The following ZNF462 variants were observed in gnomAD, a reference collection of about 807,000 sequenced individuals.
The protein encoded by ZNF462 is zinc finger PBX1-interacting protein.
A neutral mutation model predicts 201.9 loss-of-function variants in ZNF462; 10 were observed. The observed-to-expected ratio is 0.05, with a 90% CI of 0.03 to 0.08. The LOEUF (loss-of-function observed/expected upper bound fraction) is 0.08, where lower values mean the gene tolerates loss of function less well. ZNF462 is among the 10% of genes least tolerant of loss of function. The pLI, the probability that ZNF462 is intolerant of heterozygous loss-of-function variation, is 1.00. For synonymous variants in ZNF462, 1,227 were observed against 1,193.3 expected (o/e 1.03, Z -0.58); for missense variants, 2,523 against 3,168.3 (o/e 0.80, Z 4.89).
chr9:106,963,410 C>T lies in ZNF462; in HGVS notation c.6428-8595C>T, dbSNP rs1831928392. On this transcript the variant is annotated intron_variant, in intron 7 of 12. Coordinates refer to ENST00000277225, the MANE Select transcript of ZNF462 (RefSeq NM_021224.6). This position sits in a 1 kb window ranked among gnomAD's most constrained non-coding sequence, Gnocchi z 4.7. ...ATCCAGGAAACATTTTCTTAAGTAC[C>T]TTTCCAGGCACTTCTAAGCAATTGA... 6.6e-6 allele frequency among the ~76,000 whole-genome samples: 1 copy of T among 151,968 alleles called. No homozygotes were observed. Among genetic ancestry groups the T allele is most frequent in the African/African-American group, 2.4e-5 (1 of 41,386 alleles).
In ZNF462 at chr9:106,930,428, C is replaced by A; in HGVS notation, c.5848-97C>A. Reference sequence around the variant, plus strand: ...CTCCCTTGGTTTTTAACCTGCTAATCGGCTTTAAAATAAAGTATGTTAGTA... The same window carrying A: ...CTCCCTTGGTTTTTAACCTGCTAATAGGCTTTAAAATAAAGTATGTTAGTA... On this transcript the variant is annotated intron_variant, in intron 3 of 12. Coordinates refer to ENST00000277225, the MANE Select transcript of ZNF462 (RefSeq NM_021224.6). The surrounding 1 kb of genome is among the most constrained non-coding windows in gnomAD (Gnocchi z 5.8). The A allele has an allele frequency of 6.8e-7, 1 of 1,480,874 alleles. No individual in the cohort carries two copies. Among genetic ancestry groups the A allele is most frequent in the Non-Finnish European group, 9.1e-7 (1 of 1,095,886 alleles). 91.7% of individuals were successfully genotyped at this position (1,480,874 alleles called of 1,614,324 possible).
rs750173827 is a variant in ZNF462 at position 106,925,258 on chromosome 9, T to C, written c.1346T>C (p.Met449Thr). 5.6e-6 allele frequency: 9 copies of C among 1,614,074 alleles called. No homozygotes were observed. Among genetic ancestry groups the C allele is most frequent in the Admixed American group, 1.7e-5 (1 of 60,006 alleles). The change falls in exon 3 of 13, where the codon ATG becomes ACG. Residue 449 changes from methionine to threonine, a missense_variant. Met to Thr is a moderately conservative substitution (Grantham distance 81, BLOSUM62 -1). Around this residue, in one of 15 missense-constraint regions of ZNF462, gnomAD observed 13 missense variants for 43.2 expected, o/e 0.30. Transcript: ENST00000277225. This position sits in a 1 kb window ranked among gnomAD's most constrained non-coding sequence, Gnocchi z 7.9. ...TGCCCCTTTTGTCCTTTCCTCACCA[T>C]GCATCGACGTAGCATCTCTCGTCAC... ...FQCPFCPFLT[M>T]HRRSISRHIE...
intron 11 of ZNF462, among the ~76,000 whole-genome samples, chr9:107,004,494 A>G (rs1829411008): frequency 6.6e-6 from 1 of 152,202 alleles, no homozygotes; most frequent in African/African-American, 2.4e-5. Flanking sequence ...AATAATCACA[A>G]TCGTAATAAT....
rs1473201394 is a variant in ZNF462, at chr9:107,003,051, G to C, written c.7057-243G>C. ...TACTATAGCTCATGTTTCTTCACAA[G>C]TTTGGTAATGAAGGTCCGGTGTACA... On this transcript the variant is annotated intron_variant, in intron 10 of 12. Coordinates refer to ENST00000277225, the MANE Select transcript of ZNF462 (RefSeq NM_021224.6). The surrounding 1 kb of genome is among the most constrained non-coding windows in gnomAD (Gnocchi z 4.4). Among the ~76,000 whole-genome samples the C allele has an allele frequency of 6.6e-6, 1 of 152,136 alleles. No individual in the cohort carries two copies. Among genetic ancestry groups the C allele is most frequent in the Non-Finnish European group, 1.5e-5 (1 of 68,028 alleles).
chr9:106,883,966 C>T lies in ZNF462; in HGVS notation c.-31+20611C>T, dbSNP rs527941359. ...AAGCTGTTATGCTGTCTTCATTGCTCATAAAAAAATGTTTAAGCAACCACA... is the reference window on the plus strand; with the variant it reads ...AAGCTGTTATGCTGTCTTCATTGCTTATAAAAAAATGTTTAAGCAACCACA... On this transcript the variant is annotated intron_variant, in intron 1 of 12. Coordinates refer to ENST00000277225, the MANE Select transcript of ZNF462 (RefSeq NM_021224.6). This position sits in a 1 kb window ranked among gnomAD's most constrained non-coding sequence, Gnocchi z 4.9. 4.6e-5 allele frequency among the ~76,000 whole-genome samples: 7 copies of T among 152,226 alleles called. No individual in the cohort carries two copies. The highest frequency in any genetic ancestry group is 1.7e-4 in the African/African-American group (7 of 41,536).
intron 7 of ZNF462, among the ~76,000 whole-genome samples, chr9:106,946,156 T>C (rs919742420): frequency 2.0e-5 from 3 of 152,202 alleles, no homozygotes; most frequent in African/African-American, 7.2e-5. Flanking sequence ...TCAGAACTAG[T>C]TCCCAGCAAC....
At position 106,935,953 on chromosome 9, in the gene ZNF462, T is replaced by A. The variant is rs1246207442; in HGVS notation, c.6235+332T>A. On this transcript the variant is annotated intron_variant, in intron 6 of 12. Transcript: ENST00000277225. This position sits in a 1 kb window ranked among gnomAD's most constrained non-coding sequence, Gnocchi z 4.1. Reference sequence around the variant, plus strand: ...TACTTTCTAATTCAATTGCCAAGAATTGTTATATCTATTAAAAAGACTTTC... The same window carrying A: ...TACTTTCTAATTCAATTGCCAAGAAATGTTATATCTATTAAAAAGACTTTC... Among the ~76,000 whole-genome samples, 1 of 152,208 alleles carries A rather than the reference T, an allele frequency of 6.6e-6. No individual in the cohort carries two copies. The highest frequency in any genetic ancestry group is 2.4e-5 in the African/African-American group (1 of 41,432).
chr9:106,910,765 AT>A (rs1291116469), intron 1 of ZNF462, among the ~76,000 whole-genome samples: 3 of 151,610 alleles, frequency 2.0e-5, no homozygotes, highest in African/African-American at 7.3e-5. Flanking sequence ...ATTAGCCACC[AT>A]TTTTTTCTGG....
rs1406795876 is a variant in ZNF462 at position 106,924,722 on chromosome 9, C to G, written c.810C>G (p.Val270=). The change falls in exon 3 of 13, where the codon GTC becomes GTG. Residue 270 remains valine, a synonymous_variant. Coordinates refer to ENST00000277225, the MANE Select transcript of ZNF462 (RefSeq NM_021224.6). The surrounding 1 kb of genome is among the most constrained non-coding windows in gnomAD (Gnocchi z 6.2). ...TGATGAAGAAACACCGCAGTATGGT[C>G]AAGATCCTTTCCAGTCTCAGACAGC... The part of the protein sequence containing the change: ...DHMMKKHRSM[V]KILSSLRQQQ... 3 of 1,614,100 alleles carry G rather than the reference C, an allele frequency of 1.9e-6. No homozygotes were observed. In the Admixed American group the frequency reaches 5.0e-5, roughly 27 times the overall value.
rs781685600 is a variant in ZNF462, at chr9:106,930,492, G to A, written c.5848-33G>A. The A allele has an allele frequency of 4.4e-6, 7 of 1,608,628 alleles. No homozygotes were observed. Among genetic ancestry groups the A allele is most frequent in the Admixed American group, 1.7e-5 (1 of 59,858 alleles). ...AATTCTGACAATTGAGGGAGGGCTC[G>A]GAGTACTGATGGCTACCACTGTATT... On this transcript the variant is annotated intron_variant, in intron 3 of 12. Transcript: ENST00000277225. The surrounding 1 kb of genome is among the most constrained non-coding windows in gnomAD (Gnocchi z 5.8).
chr9:106,898,268 G>T (rs931029626), intron 1 of ZNF462, among the ~76,000 whole-genome samples: 1 of 152,326 alleles, frequency 6.6e-6, no homozygotes, highest in East Asian at 1.9e-4. Context: ...GCGCTGTGGG[G>T]AAAGAGACAA....
At position 106,883,797 on chromosome 9, in the gene ZNF462, T is replaced by C. The variant is rs937723574; in HGVS notation, c.-31+20442T>C. 1.3e-5 allele frequency among the ~76,000 whole-genome samples: 2 copies of C among 152,200 alleles called. No homozygotes were observed. Among genetic ancestry groups the C allele is most frequent in the African/African-American group, 4.8e-5 (2 of 41,440 alleles). ...AGCAGCCCTGGCTTGTTCATTTAGA[T>C]GGACAGGGGAGCCTACGCAAGTCAT... is the stretch of plus-strand genomic sequence containing the variant. On this transcript the variant is annotated intron_variant, in intron 1 of 12. Coordinates refer to ENST00000277225, the MANE Select transcript of ZNF462 (RefSeq NM_021224.6). This position sits in a 1 kb window ranked among gnomAD's most constrained non-coding sequence, Gnocchi z 4.9.
At position 106,954,592 on chromosome 9, in the gene ZNF462, C is replaced by T. The variant is rs901930892; in HGVS notation, c.6427+15485C>T. Among the ~76,000 whole-genome samples the T allele has an allele frequency of 1.3e-5, 2 of 152,058 alleles. No individual in the cohort carries two copies. Among genetic ancestry groups the T allele is most frequent in the Admixed American group, 6.6e-5 (1 of 15,248 alleles). On this transcript the variant is annotated intron_variant, in intron 7 of 12. Transcript: ENST00000277225. This position sits in a 1 kb window ranked among gnomAD's most constrained non-coding sequence, Gnocchi z 4.0. ...CTTTCCATCAGCTGCCTCATTCTCC[C>T]TATATTCTAGCCTAACTGGAATGAG...
At chr9:106,940,301 C>T (rs1452317432) in intron 7 of ZNF462, among the ~76,000 whole-genome samples, 1 of 152,150 alleles carries the variant, frequency 6.6e-6, no homozygotes, top group Non-Finnish European at 1.5e-5. Flanking sequence ...TACTTTTCAT[C>T]CTTTGGTTGC....
chr9:106,928,364 C>G lies in ZNF462; in HGVS notation c.4452C>G (p.Gly1484=), dbSNP rs535563367. The G allele has an allele frequency of 1.4e-5, 22 of 1,614,138 alleles. No homozygotes were observed. The East Asian group carries it at 4.7e-4, about 34-fold the overall frequency. The change falls in exon 3 of 13, where the codon GGC becomes GGG. Residue 1484 remains glycine, a synonymous_variant. Coordinates refer to ENST00000277225, the MANE Select transcript of ZNF462 (RefSeq NM_021224.6). This position sits in a 1 kb window ranked among gnomAD's most constrained non-coding sequence, Gnocchi z 9.3. ...AATCTGAGTATAACAACTTGCACGGCCTTCTCACTCATTATGGGAAGAAGC... is the reference window on the plus strand; with the variant it reads ...AATCTGAGTATAACAACTTGCACGGGCTTCTCACTCATTATGGGAAGAAGC... ...VCQSEYNNLH[G]LLTHYGKKHP...
At chr9:106,967,361 C>T (rs979548244) in intron 7 of ZNF462, among the ~76,000 whole-genome samples, 8 of 152,056 alleles carry the variant, frequency 5.3e-5, no homozygotes, top group Non-Finnish European at 7.4e-5. Context: ...GTCTCATTCT[C>T]TCAGGCTTAT....
At chr9:106,944,269 C>T (rs188663902) in intron 7 of ZNF462, among the ~76,000 whole-genome samples, 69 of 152,218 alleles carry the variant, frequency 4.5e-4, no homozygotes, top group Admixed American at 1.0e-3. Context: ...GATGATATAG[C>T]GATAAACTGA....
chr9:106,970,455 G>A lies in ZNF462; in HGVS notation c.6428-1550G>A, dbSNP rs555101550. On this transcript the variant is annotated intron_variant, in intron 7 of 12. Coordinates refer to ENST00000277225, the MANE Select transcript of ZNF462 (RefSeq NM_021224.6). This position sits in a 1 kb window ranked among gnomAD's most constrained non-coding sequence, Gnocchi z 4.2. ...TCCTGTTCGAAGAGGCTGACGGGAT[G>A]GATGGTGCTGGTTTCATCAAATATG... 3.3e-4 allele frequency among the ~76,000 whole-genome samples: 50 copies of A among 152,292 alleles called. No individual in the cohort carries two copies. Among genetic ancestry groups the A allele is most frequent in the African/African-American group, 1.2e-3 (49 of 41,542 alleles).
chr9:106,860,881 C>T (rs1827047597), upstream of ZNF462, among the ~76,000 whole-genome samples: 1 of 152,006 alleles, frequency 6.6e-6, no homozygotes, highest in Non-Finnish European at 1.5e-5. This position sits in a 1 kb window ranked among gnomAD's most constrained non-coding sequence, Gnocchi z 7.1. Context: ...CTCCCAAAGC[C>T]GCACAAAGCC....
Sources: gnomAD v4.1 joint callset for allele counts (sites outside exome capture counted in the v4.1 genomes callset) on GRCh38, gnomAD v4.1.1 for gene constraint, gnomAD v4.1.1 regional missense constraint, Gnocchi (gnomAD v3.1) non-coding constraint, MANE v1.5 for transcripts, NCBI Gene and HGNC (gene_info 2026-07-23, HGNC 2026-07-21) for gene names.